TMEM266: variants seen among roughly 807,000 people sequenced by gnomAD.
TMEM266 encodes the protein Hv1 related protein 1.
In TMEM266, 33 loss-of-function variants were observed where a neutral mutation model predicts 50.5. That is an observed-to-expected ratio of 0.65 (90% CI 0.50 to 0.87). The LOEUF is 0.87. Ranked by LOEUF, TMEM266 falls within the 40% of genes least tolerant of loss-of-function variation. The pLI, the probability that TMEM266 is intolerant of heterozygous loss-of-function variation, is 0.00. For missense variants in TMEM266, 655 were observed against 695.1 expected, an observed-to-expected ratio of 0.94 and a Z score of 0.65; for synonymous variants, 310 against 292.3, an observed-to-expected ratio of 1.06 and a Z score of -0.62.
At chr15:76,064,505 C>T (rs1435581169) in intron 1 of TMEM266, among the ~76,000 whole-genome samples, 2 of 152,152 alleles carry the variant, frequency 1.3e-5, no homozygotes, top group Non-Finnish European at 1.5e-5. Context: ...CACTGGGATG[C>T]TAAAGGGAGT....
intron 8 of TMEM266, among the ~76,000 whole-genome samples, chr15:76,188,552 G>T (rs980706636): frequency 1.3e-5 from 2 of 152,164 alleles, no homozygotes; most frequent in African/African-American, 4.8e-5. Context: ...TCAGTGAGCC[G>T]AGATGATGCC....
At chr15:76,152,544 C>T (rs1419803743) in intron 3 of TMEM266, among the ~76,000 whole-genome samples, 2 of 152,192 alleles carry the variant, frequency 1.3e-5, no homozygotes, top group South Asian at 2.1e-4. Flanking sequence ...CCTCCCGGTC[C>T]AGCTCCTGGC....
intron 4 of TMEM266, among the ~76,000 whole-genome samples, chr15:76,159,721 T>C (rs1441352000): frequency 6.6e-6 from 1 of 152,112 alleles, no homozygotes; most frequent in Non-Finnish European, 1.5e-5. Context: ...CAACTGAAGC[T>C]GCCTACACAG....
At chr15:76,203,606 C>T in intron 10 of TMEM266, 135 bp from the exon 11 acceptor site, 2 of 780,076 alleles carry the variant, frequency 2.6e-6, no homozygotes, top group Non-Finnish European at 4.3e-6. Context: ...CTACCAAGGC[C>T]TCCTTCCACA....
At position 76,153,149 on chromosome 15, in the gene TMEM266, G is replaced by GA. The variant is rs1357988125; in HGVS notation, c.228-3448dup. Among the ~76,000 whole-genome samples the GA allele has an allele frequency of 3.3e-5, 5 of 150,040 alleles. No individual in the cohort carries two copies. On this transcript the variant is annotated intron_variant, in intron 3 of 10. Transcript: ENST00000388942. The surrounding 1 kb of genome is among the most constrained non-coding windows in gnomAD (Gnocchi z 4.2). ...GTTTCTCTAACAAAAAAAAAAAGAA[G>GA]AAAAAAACGACATTTTAAACAGCAA...
intron 5 of TMEM266, among the ~76,000 whole-genome samples, chr15:76,167,199 G>A (rs1262924692): frequency 2.6e-5 from 4 of 152,110 alleles, no homozygotes; most frequent in South Asian, 2.1e-4. Flanking sequence ...GGCTGGGCGC[G>A]GTGGCTCATG....
intron 8 of TMEM266, among the ~76,000 whole-genome samples, chr15:76,189,971 T>C (rs568771285): frequency 4.6e-5 from 7 of 152,284 alleles, no homozygotes; most frequent in Admixed American, 3.3e-4. Flanking sequence ...GACACTGACA[T>C]TGGGAGGCTG....
At chr15:76,190,659 A>G (rs1438125995) in intron 8 of TMEM266, among the ~76,000 whole-genome samples, 1 of 152,180 alleles carries the variant, frequency 6.6e-6, no homozygotes, top group Non-Finnish European at 1.5e-5. Flanking sequence ...AGCTAAAATG[A>G]GATAAAAACA....
intron 1 of TMEM266, among the ~76,000 whole-genome samples, chr15:76,129,732 C>T (rs75836858): frequency 0.012 from 1,875 of 152,096 alleles, 38 homozygotes; most frequent in African/African-American, 0.043. Flanking sequence ...CTTTGTCAGA[C>T]AAATGACTCA....
chr15:76,203,662 C>G (rs1013476695), intron 10 of TMEM266, 79 bp from the exon 11 acceptor site: 2 of 1,384,408 alleles, frequency 1.4e-6, no homozygotes, highest in Non-Finnish European at 2.0e-6. Context: ...GCCCACCGCC[C>G]GGCTCAGACC....
chr15:76,191,887 GAGC>G (rs763768631), intron 8 of TMEM266, 78 bp from the exon 9 acceptor site: 23 of 1,336,956 alleles, frequency 1.7e-5, no homozygotes, highest in Non-Finnish European at 2.3e-5. Flanking sequence ...CCCCATGCAG[GAGC>G]AAAGCGCCCA....
chr15:76,134,022 A>G (rs2037553282), intron 1 of TMEM266, 146 bp from the exon 2 acceptor site: 1 of 405,112 alleles, frequency 2.5e-6, no homozygotes, highest in Non-Finnish European at 4.4e-6. Flanking sequence ...TTACTCTTCC[A>G]TAGGGTAATT....
intron 1 of TMEM266, among the ~76,000 whole-genome samples, chr15:76,078,785 A>C (rs962927059): frequency 6.6e-6 from 1 of 152,186 alleles, no homozygotes; most frequent in Non-Finnish European, 1.5e-5. Flanking sequence ...TTAAAATACT[A>C]CCACAAACTG....
intron 1 of TMEM266, among the ~76,000 whole-genome samples, chr15:76,110,455 G>A (rs940092917): frequency 5.3e-5 from 8 of 151,972 alleles, no homozygotes; most frequent in Admixed American, 3.3e-4. Flanking sequence ...TAAGCTCATC[G>A]GCTACCTTTA....
chr15:76,080,396 T>C (rs113228218), intron 1 of TMEM266, among the ~76,000 whole-genome samples: 2 of 145,924 alleles, frequency 1.4e-5, no homozygotes, highest in East Asian at 2.1e-4. Flanking sequence ...AGATTACAGG[T>C]ATGCACCACC....
intron 1 of TMEM266, among the ~76,000 whole-genome samples, chr15:76,132,813 A>AATTATT (rs58869632): frequency 0.15 from 20,721 of 134,796 alleles, 1,869 homozygotes; most frequent in Middle Eastern, 0.21. Context: ...TAATAATAGT[A>AATTATT]ATTATTATTA....
chr15:76,060,021 G>A lies in TMEM266; in HGVS notation c.-97+5G>A, dbSNP rs2036261213. 1 of 150,808 alleles carries A rather than the reference G, an allele frequency of 6.6e-6. No homozygotes were observed. The highest frequency in any genetic ancestry group is 1.5e-5 in the Non-Finnish European group (1 of 67,616). The allele number at this position is 150,808 out of a possible 1,614,324, so 9.3% of individuals were successfully genotyped here. A position where few individuals can be genotyped will look rare whatever the true frequency, so the allele number is the denominator to read the frequency against. ...AATCCCGAGCCCGGGCAGCAGGTAT[G>A]TGTCCTCGCAGCCGGCCGCGGCCAG... is the stretch of plus-strand genomic sequence containing the variant. On this transcript the variant is annotated splice_donor_5th_base_variant and intron_variant, in intron 1 of 10. Transcript: ENST00000388942.
At chr15:76,150,541 C>T (rs976328423) in intron 3 of TMEM266, among the ~76,000 whole-genome samples, 1 of 152,216 alleles carries the variant, frequency 6.6e-6, no homozygotes, top group Non-Finnish European at 1.5e-5. Flanking sequence ...AGCCACTCCC[C>T]AGCTTGCACC....
chr15:76,158,032 G>A (rs2037954332), intron 4 of TMEM266, among the ~76,000 whole-genome samples: 1 of 148,566 alleles, frequency 6.7e-6, no homozygotes, highest in South Asian at 2.1e-4. Context: ...ATAAATAGAG[G>A]TACAATTATC....
Sources: gnomAD v4.1 joint callset for allele counts (sites outside exome capture counted in the v4.1 genomes callset) on GRCh38, gnomAD v4.1.1 for gene constraint, Gnocchi (gnomAD v3.1) non-coding constraint, MANE v1.5 for transcripts, NCBI Gene and HGNC (gene_info 2026-07-23, HGNC 2026-07-21) for gene names.